The following MAPK14 variants were observed in gnomAD, a reference collection of about 807,000 sequenced individuals.
The protein encoded by MAPK14 is CSAID-binding protein.
A neutral mutation model predicts 49.6 loss-of-function variants in MAPK14; 16 were observed. The observed-to-expected ratio is 0.32, with a 90% CI of 0.22 to 0.49. The LOEUF (loss-of-function observed/expected upper bound fraction) is 0.49, where lower values mean the gene tolerates loss of function less well. MAPK14 is among the 20% of genes least tolerant of loss of function. The pLI, the probability that MAPK14 is intolerant of heterozygous loss-of-function variation, is 0.99. For synonymous variants in MAPK14, 142 were observed against 158.0 expected, an observed-to-expected ratio of 0.90 and a Z score of 0.76; for missense variants, 200 against 441.2, an observed-to-expected ratio of 0.45 and a Z score of 4.90.
At chr6:36,100,333 G>T (rs548872051) in intron 9 of MAPK14, 2 of 1,192,076 alleles carry the variant, frequency 1.7e-6, no homozygotes, top group East Asian at 4.7e-5. Context: ...TATTGCCACC[G>T]TATAACCAAC....
chr6:36,040,673 G>C (rs1418825132), intron 1 of MAPK14, among the ~76,000 whole-genome samples: 2 of 148,796 alleles, frequency 1.3e-5, no homozygotes, highest in Non-Finnish European at 2.9e-5. Context: ...ATGAATAATT[G>C]TGTTTTGTCA....
At chr6:36,066,268 C>G (rs1409850014) in intron 3 of MAPK14, among the ~76,000 whole-genome samples, 1 of 152,128 alleles carries the variant, frequency 6.6e-6, no homozygotes, top group Non-Finnish European at 1.5e-5. Flanking sequence ...TATTTCTCAT[C>G]ACATTTTTCT....
At chr6:36,065,914 G>T (rs989096092) in intron 3 of MAPK14, among the ~76,000 whole-genome samples, 1 of 152,120 alleles carries the variant, frequency 6.6e-6, no homozygotes, top group Non-Finnish European at 1.5e-5. Context: ...TTAAATTTAT[G>T]TAATGATGCT....
intron 1 of MAPK14, among the ~76,000 whole-genome samples, chr6:36,050,609 T>A (rs558885074): frequency 6.6e-6 from 1 of 152,244 alleles, no homozygotes; most frequent in Non-Finnish European, 1.5e-5. Context: ...AGAAACTAAC[T>A]TTTCAATGAA....
the MAPK14 span, among the ~76,000 whole-genome samples, chr6:36,116,735 C>T: frequency 1.3e-5 from 2 of 152,202 alleles, no homozygotes; most frequent in Non-Finnish European, 2.9e-5. Flanking sequence ...CAATGCAGGA[C>T]AGACCTGGCT....
chr6:36,056,669 A>C lies in MAPK14; in HGVS notation c.247-2620A>C, dbSNP rs193062919. On this transcript the variant is annotated intron_variant, in intron 2 of 11. Transcript: ENST00000229794. ...GGTAACTCTTGCATGTGTAAATCAG[A>C]TCTCTAATGATTTAGTTTTATTTCC... Among the ~76,000 whole-genome samples the C allele has an allele frequency of 3.9e-5, 6 of 152,364 alleles. No individual in the cohort carries two copies. The East Asian group carries it at 1.2e-3, about 29-fold the overall frequency.
chr6:36,091,651 C>G (rs1765234706), intron 8 of MAPK14, among the ~76,000 whole-genome samples: 2 of 152,138 alleles, frequency 1.3e-5, no homozygotes, highest in Admixed American at 1.3e-4. Flanking sequence ...GATTTGCCAG[C>G]TTTTGAAGAA....
At chr6:36,067,362 T>A (rs992269521) in intron 3 of MAPK14, among the ~76,000 whole-genome samples, 2 of 152,152 alleles carry the variant, frequency 1.3e-5, no homozygotes, top group African/African-American at 4.8e-5. Flanking sequence ...GATTATATAT[T>A]CATATATGCC....
chr6:36,114,734 A>G (rs1239713545), downstream of MAPK14, among the ~76,000 whole-genome samples: 1 of 152,150 alleles, frequency 6.6e-6, no homozygotes, highest in Non-Finnish European at 1.5e-5. Context: ...AATAAAGGTC[A>G]TTTCATTTCT....
the MAPK14 span, among the ~76,000 whole-genome samples, chr6:36,118,022 A>C: frequency 1.3e-5 from 2 of 152,246 alleles, no homozygotes; most frequent in Non-Finnish European, 2.9e-5. Flanking sequence ...TGCTGTGTGG[A>C]ATTTCCTTGT....
rs1202335133 is a variant in MAPK14 at position 36,107,273 on chromosome 6, C to T, written c.842-182C>T. Among the ~76,000 whole-genome samples the T allele has an allele frequency of 4.4e-5, 5 of 114,902 alleles. No homozygotes were observed. The highest frequency in any genetic ancestry group is 5.6e-5 in the Non-Finnish European group (3 of 53,888). 75.4% of individuals were successfully genotyped at this position (114,902 alleles called of 152,430 possible). A position where few individuals can be genotyped will look rare whatever the true frequency, so the allele number is the denominator to read the frequency against. ...TTAAAACATAGAAAATACAGATACA[C>T]ACACACACACACACACACATACACA... On this transcript the variant is annotated intron_variant, in intron 10 of 11. Coordinates refer to ENST00000229794, the MANE Select transcript of MAPK14 (RefSeq NM_139012.3). This position sits in a 1 kb window ranked among gnomAD's most constrained non-coding sequence, Gnocchi z 4.3.
At chr6:36,088,849 A>C (rs576383768) in intron 8 of MAPK14, among the ~76,000 whole-genome samples, 1 of 152,366 alleles carries the variant, frequency 6.6e-6, no homozygotes, top group Non-Finnish European at 1.5e-5. Flanking sequence ...AATGAAAACC[A>C]CAATGAGATA....
intron 2 of MAPK14, among the ~76,000 whole-genome samples, chr6:36,058,106 T>C (rs577942487): frequency 4.6e-5 from 7 of 152,298 alleles, no homozygotes; most frequent in African/African-American, 1.7e-4. Context: ...AGTAGCTCTT[T>C]GCTTTATCCC....
At chr6:36,092,768 C>T (rs1765288342) in intron 8 of MAPK14, 3 of 246,192 alleles carry the variant, frequency 1.2e-5, no homozygotes, top group Admixed American at 1.0e-4. Flanking sequence ...GCCGGTGTCA[C>T]GACTCAAGAC....
downstream of MAPK14, among the ~76,000 whole-genome samples, chr6:36,114,425 T>C (rs1347931975): frequency 1.3e-5 from 2 of 152,134 alleles, no homozygotes; most frequent in African/African-American, 4.8e-5. Flanking sequence ...AAAACCAGCC[T>C]GGCCAACATG....
chr6:36,040,147 G>T (rs1445360692), intron 1 of MAPK14, among the ~76,000 whole-genome samples: 2 of 152,142 alleles, frequency 1.3e-5, no homozygotes, highest in African/African-American at 4.8e-5. Context: ...ATAACCCAGG[G>T]TAATTCAACC....
chr6:36,057,853 A>C (rs1165306709), intron 2 of MAPK14, among the ~76,000 whole-genome samples: 1 of 152,234 alleles, frequency 6.6e-6, no homozygotes, highest in East Asian at 1.9e-4. Flanking sequence ...AGTTTAGAAC[A>C]GTGTGCTAGT....
intron 9 of MAPK14, chr6:36,098,166 ATT>A (rs1765511291): frequency 6.6e-6 from 1 of 152,232 alleles, no homozygotes; most frequent in Non-Finnish European, 1.5e-5. Context: ...AGCTGTTTTC[ATT>A]CTCCTGAAAA....
chr6:36,079,321 T>C (rs9470215), intron 8 of MAPK14, among the ~76,000 whole-genome samples: 2,421 of 152,272 alleles, frequency 0.016, 60 homozygotes, highest in African/African-American at 0.056. Flanking sequence ...GGAGAATGTA[T>C]TGGCCTCATA....
Sources: allele counts gnomAD v4.1 joint callset (sites outside exome capture counted in the v4.1 genomes callset), GRCh38; gene constraint gnomAD v4.1.1; non-coding constraint Gnocchi (gnomAD v3.1); transcripts MANE v1.5; gene names NCBI Gene and HGNC (gene_info 2026-07-23, HGNC 2026-07-21).